Variants in ZNF33A observed in about 807,000 individuals in gnomAD.
ZNF33A encodes the protein zinc finger protein 33A, also known as brain my041 protein.
A neutral mutation model predicts 15.9 loss-of-function variants in ZNF33A; 9 were observed. That is an observed-to-expected ratio of 0.57 (90% CI 0.34 to 0.99). The LOEUF (loss-of-function observed/expected upper bound fraction) is 0.99. Among genes scored for constraint, ZNF33A ranks in the 50% least tolerant of loss-of-function variants. ZNF33A has a pLI of 0.02. For missense variants in ZNF33A, 843 were observed against 941.6 expected (o/e 0.90, Z 1.37); for synonymous variants, 294 against 324.2 (o/e 0.91, Z 1.00).
At position 38,054,534 on chromosome 10, in the gene ZNF33A, A is replaced by T. The variant is rs751348811; in HGVS notation, c.410A>T (p.Lys137Ile). The change falls in exon 5 of 5, where the codon AAA (lysine) becomes ATA (isoleucine). Residue 137 changes from lysine (K) to isoleucine (I), a missense_variant. By Grantham distance (102) the Lys-to-Ile change is moderately radical. Coordinates refer to ENST00000432900, the MANE Select transcript of ZNF33A (RefSeq NM_006954.2). ...GATGTAAGTTCTTTTCCTTCCAGAA[A>T]AATGTTCTGTCAGTGTGATTCATGT... ...NVDVSSFPSRKMFCQCDSCGM... is the reference protein window; with the variant it reads ...NVDVSSFPSRIMFCQCDSCGM... 6.2e-7 allele frequency: 1 copy of T among 1,612,904 alleles called. No homozygotes were observed. Among genetic ancestry groups the T allele is most frequent in the African/African-American group, 1.3e-5 (1 of 74,880 alleles).
At position 38,055,658 on chromosome 10, in the gene ZNF33A, C is replaced by A. The variant is rs1469084832; in HGVS notation, c.1534C>A (p.Leu512Ile). ...CGKTFYHKSL[L>I]TRHQIIHTGW... is the part of the protein sequence containing the mutation. ...GAAAACTTTCTACCACAAGTCATTA[C>A]TCACCAGGCATCAGATAATTCATAC... Residue 512 changes from leucine (L) to isoleucine (I), a missense_variant, in exon 5 of 5, where the codon CTC becomes ATC. By Grantham distance (5) the Leu-to-Ile change is conservative. Transcript: ENST00000432900. The A allele has an allele frequency of 6.2e-7, 1 of 1,613,912 alleles. No homozygotes were observed.
chr10:38,063,509 T>C (rs2066680063), downstream of ZNF33A, among the ~76,000 whole-genome samples: 1 of 148,320 alleles, frequency 6.7e-6, no homozygotes, highest in African/African-American at 2.5e-5. Context: ...ACATCCTGCT[T>C]TGTTCAGTGA....
downstream of ZNF33A, among the ~76,000 whole-genome samples, chr10:38,062,104 G>C (rs182833885): frequency 6.6e-6 from 1 of 152,132 alleles, no homozygotes. Flanking sequence ...GAGAGAACAC[G>C]CTAGAACCCT....
At chr10:38,062,500 T>C (rs1461515714), downstream of ZNF33A, among the ~76,000 whole-genome samples, 1 of 152,202 alleles carries the variant, frequency 6.6e-6, no homozygotes, top group Non-Finnish European at 1.5e-5. Flanking sequence ...TCAGATTATT[T>C]TCAGGGGAAA....
At position 38,057,035 on chromosome 10, in the gene ZNF33A, G is replaced by A. The variant is rs1168812418; in HGVS notation, c.*475G>A. The A allele has an allele frequency of 5.6e-6, 4 of 714,130 alleles. No homozygotes were observed. Among genetic ancestry groups the A allele is most frequent in the Non-Finnish European group, 6.9e-6 (4 of 581,210 alleles). 44.2% of individuals were successfully genotyped at this position (714,130 alleles called of 1,614,324 possible). A position where few individuals can be genotyped will look rare whatever the true frequency, so the allele number is the denominator to read the frequency against. On this transcript the variant is annotated 3_prime_UTR_variant, in exon 5 of 5. Coordinates refer to ENST00000432900, the MANE Select transcript of ZNF33A (RefSeq NM_006954.2). ...AGGATAATGTATAATCATAGTATAT[G>A]GTCAAGTCCAAGAAATCGATGTTAC...
Position 38,056,440 on chromosome 10 carries a change from A to G in ZNF33A, c.2316A>G (p.Ile772Met), listed in dbSNP as rs2066490463. 4 of 1,614,070 alleles carry G rather than the reference A, an allele frequency of 2.5e-6. No individual in the cohort carries two copies. Among genetic ancestry groups the G allele is most frequent in the South Asian group, 1.1e-5 (1 of 91,064 alleles). The change falls in exon 5 of 5, where the codon ATA (isoleucine) becomes ATG (methionine). Residue 772 changes from isoleucine (I) to methionine (M), a missense_variant. By Grantham distance (10) the Ile-to-Met change is conservative. Coordinates refer to ENST00000432900, the MANE Select transcript of ZNF33A (RefSeq NM_006954.2). ...TCATTGTACATCAGAGAAGACATATAGGAGAAAACCTTATGAATGAAATGG... is the reference window on the plus strand; with the variant it reads ...TCATTGTACATCAGAGAAGACATATGGGAGAAAACCTTATGAATGAAATGG... ...SNLIVHQRRH[I>M]GENLMNEMDI... is the part of the protein sequence containing the mutation.
At chr10:38,012,554 C>T (rs1268909536) in intron 2 of ZNF33A, among the ~76,000 whole-genome samples, 1 of 151,652 alleles carries the variant, frequency 6.6e-6, no homozygotes, top group East Asian at 1.9e-4. Context: ...GCCTCAGCCC[C>T]CCGAGTAGCT....
rs1273769798 is a variant in ZNF33A at position 38,057,482 on chromosome 10, G to A, written c.*922G>A. ...TTTCATATGCATAATGGAATTTAACGTAATTGTGAATAGGAAGTAGGTATC... is the reference window on the plus strand; with the variant it reads ...TTTCATATGCATAATGGAATTTAACATAATTGTGAATAGGAAGTAGGTATC... On this transcript the variant is annotated 3_prime_UTR_variant, in exon 5 of 5. Transcript: ENST00000432900. The A allele has an allele frequency of 3.0e-6, 3 of 985,372 alleles. No individual in the cohort carries two copies. Among genetic ancestry groups the A allele is most frequent in the South Asian group, 4.7e-5 (1 of 21,286 alleles). The allele number at this position is 985,372 out of a possible 1,614,324, so 61.0% of individuals were successfully genotyped here. A position where few individuals can be genotyped will look rare whatever the true frequency, so the allele number is the denominator to read the frequency against.
intron 4 of ZNF33A, among the ~76,000 whole-genome samples, chr10:38,021,272 C>T (rs1352475633): frequency 6.6e-6 from 1 of 152,110 alleles, no homozygotes; most frequent in African/African-American, 2.4e-5. Flanking sequence ...AAGGATCAAT[C>T]CAACAAAAAT....
intron 4 of ZNF33A, among the ~76,000 whole-genome samples, chr10:38,027,121 T>C (rs1357916229): frequency 6.6e-6 from 1 of 152,236 alleles, no homozygotes; most frequent in African/African-American, 2.4e-5. Flanking sequence ...ACTGTAGCTT[T>C]CTAATAAGTT....
intron 2 of ZNF33A, among the ~76,000 whole-genome samples, chr10:38,013,449 T>A (rs983136895): frequency 2.0e-5 from 3 of 151,840 alleles, no homozygotes; most frequent in African/African-American, 7.3e-5. Flanking sequence ...TTTTTTTTGA[T>A]ACAGAGTCTT....
upstream of ZNF33A, chr10:38,010,579 C>A: frequency 2.2e-6 from 2 of 909,356 alleles, no homozygotes; most frequent in Non-Finnish European, 3.6e-6. Context: ...GCTGCTCGCC[C>A]GGCCTCACGG....
intron 4 of ZNF33A, among the ~76,000 whole-genome samples, chr10:38,050,217 A>AG (rs1414192813): frequency 1.3e-5 from 2 of 152,258 alleles, no homozygotes; most frequent in African/African-American, 4.8e-5. Flanking sequence ...AGAAAGCTAT[A>AG]GACCGGTGTC....
rs1035072362 is a variant in ZNF33A at position 38,058,026 on chromosome 10, A to G, written c.*1466A>G. On this transcript the variant is annotated 3_prime_UTR_variant, in exon 5 of 5. Transcript: ENST00000432900. ...GTACACTATATTACATGATCAGATC[A>G]TACAAATAATCTAAGATTATACAGT... 4 of 985,068 alleles carry G rather than the reference A, an allele frequency of 4.1e-6. No homozygotes were observed. In the African/African-American group the frequency reaches 5.2e-5, roughly 13 times the overall value. The allele number at this position is 985,068 out of a possible 1,614,324, so 61.0% of individuals were successfully genotyped here. A position where few individuals can be genotyped will look rare whatever the true frequency, so the allele number is the denominator to read the frequency against.
intron 2 of ZNF33A, among the ~76,000 whole-genome samples, chr10:38,014,611 C>T (rs1484647337): frequency 2.6e-5 from 4 of 152,148 alleles, no homozygotes; most frequent in African/African-American, 9.7e-5. Flanking sequence ...CATCCTTTCC[C>T]CACTGTTTTA....
intron 2 of ZNF33A, 76 bp downstream of exon 2, chr10:38,012,426 T>G (rs1040689585): frequency 3.8e-4 from 94 of 246,900 alleles, no homozygotes; most frequent in Non-Finnish European, 5.0e-4. Flanking sequence ...ATGGTGTTTG[T>G]TTTTTTTTTT....
rs1370614852 is a variant in ZNF33A, at chr10:38,056,703, AT to A, written c.*151del. The A allele has an allele frequency of 1.2e-5, 15 of 1,256,004 alleles. No individual in the cohort carries two copies. Among genetic ancestry groups the A allele is most frequent in the South Asian group, 1.1e-4 (3 of 27,584 alleles). The allele number at this position is 1,256,004 out of a possible 1,614,324, so 77.8% of individuals were successfully genotyped here. A position where few individuals can be genotyped will look rare whatever the true frequency, so the allele number is the denominator to read the frequency against. The stretch of plus-strand genomic sequence containing the variant: ...TTAATACGGGCATAACACCTTACAG[AT>A]TTTTTTTGAATTTGTGAAAGTTTTT... On this transcript the variant is annotated 3_prime_UTR_variant, in exon 5 of 5. Coordinates refer to ENST00000432900, the MANE Select transcript of ZNF33A (RefSeq NM_006954.2).
At chr10:38,023,216 T>G (rs1163542801) in intron 4 of ZNF33A, among the ~76,000 whole-genome samples, 1 of 152,166 alleles carries the variant, frequency 6.6e-6, no homozygotes, top group East Asian at 1.9e-4. Context: ...AGTGCTGGGA[T>G]TACAGGTGTG....
chr10:38,060,290 C>A (rs1170117041), downstream of ZNF33A, among the ~76,000 whole-genome samples: 1 of 152,172 alleles, frequency 6.6e-6, no homozygotes, highest in Non-Finnish European at 1.5e-5. Flanking sequence ...CACTCTGCTT[C>A]CACAGGTGAG....
Sources: gnomAD v4.1 joint callset for allele counts (sites outside exome capture counted in the v4.1 genomes callset) on GRCh38, gnomAD v4.1.1 for gene constraint, MANE v1.5 for transcripts, NCBI Gene and HGNC (gene_info 2026-07-23, HGNC 2026-07-21) for gene names.